Variants in KIF3B observed in about 807,000 individuals in gnomAD.
The protein encoded by KIF3B is kinesin-like protein KIF3B.
In KIF3B, 38 loss-of-function variants were observed where a neutral mutation model predicts 74.3. The ratio of observed to expected loss-of-function variants is 0.51; its 90% confidence interval spans 0.39 to 0.67. The LOEUF (loss-of-function observed/expected upper bound fraction) is 0.67, where lower values mean the gene tolerates loss of function less well. Among genes scored for constraint, KIF3B ranks in the 30% least tolerant of loss-of-function variants. KIF3B has a pLI of 0.00. For synonymous variants in KIF3B, 326 were observed against 342.5 expected, an observed-to-expected ratio of 0.95 and a Z score of 0.53; for missense variants, 649 against 932.0, an observed-to-expected ratio of 0.70 and a Z score of 3.95.
chr20:32,281,611 G>A (rs748566422), intron 1 of KIF3B, among the ~76,000 whole-genome samples: 3 of 152,162 alleles, frequency 2.0e-5, no homozygotes, highest in Non-Finnish European at 4.4e-5. Flanking sequence ...CAGCTATTCA[G>A]GAGGCTGAGG....
At chr20:32,307,492 G>A (rs2047777441) in intron 1 of KIF3B, among the ~76,000 whole-genome samples, 1 of 152,112 alleles carries the variant, frequency 6.6e-6, no homozygotes, top group South Asian at 2.1e-4. Flanking sequence ...ATATCCTTAT[G>A]TATATGTCAT....
chr20:32,318,835 A>G (rs2047841780), intron 5 of KIF3B, among the ~76,000 whole-genome samples: 1 of 152,198 alleles, frequency 6.6e-6, no homozygotes, highest in African/African-American at 2.4e-5. Context: ...TCTCTGGGAT[A>G]CATTCATAGG....
intron 2 of KIF3B, among the ~76,000 whole-genome samples, chr20:32,314,490 A>G (rs2047817321): frequency 6.6e-6 from 1 of 152,074 alleles, no homozygotes; most frequent in Non-Finnish European, 1.5e-5. Flanking sequence ...CAGTGAGCCA[A>G]GATCATGCCA....
chr20:32,304,712 C>A (rs187052932), intron 1 of KIF3B, among the ~76,000 whole-genome samples: 9 of 151,964 alleles, frequency 5.9e-5, no homozygotes, highest in African/African-American at 2.2e-4. Flanking sequence ...TGTATTAATA[C>A]ATATTTGCTT....
chr20:32,300,415 C>T (rs2047737803), intron 1 of KIF3B, among the ~76,000 whole-genome samples: 1 of 152,048 alleles, frequency 6.6e-6, no homozygotes, highest in Admixed American at 6.6e-5. Flanking sequence ...GTAGCTGGGA[C>T]TGCAGTCGTC....
At chr20:32,289,197 G>GTTTTT (rs36069389) in intron 1 of KIF3B, among the ~76,000 whole-genome samples, 3 of 126,886 alleles carry the variant, frequency 2.4e-5, no homozygotes, top group Admixed American at 8.4e-5. Flanking sequence ...TACTGGTCTG[G>GTTTTT]TTTTTTTTTT....
At chr20:32,318,284 A>C (rs2047838499) in intron 5 of KIF3B, among the ~76,000 whole-genome samples, 1 of 148,204 alleles carries the variant, frequency 6.7e-6, no homozygotes, top group African/African-American at 2.5e-5. Context: ...CCTGGGTGAC[A>C]CAGCGAGATT....
rs538720857 is a variant in KIF3B, at chr20:32,306,453, T to C, written c.-65-3260T>C. Among the ~76,000 whole-genome samples, 11 of 152,208 alleles carry C rather than the reference T, an allele frequency of 7.2e-5. No homozygotes were observed. In the South Asian group the frequency reaches 2.3e-3, roughly 32 times the overall value. ...TTTTTATGTAATGCATTATACCACA[T>C]CCTTATTTATTTGCACACATTTTGC... On this transcript the variant is annotated intron_variant, in intron 1 of 8. Coordinates refer to ENST00000375712, the MANE Select transcript of KIF3B (RefSeq NM_004798.4).
chr20:32,322,684 A>T lies in KIF3B; in HGVS notation c.1749-4087A>T, dbSNP rs866569604. 6.5e-3 allele frequency among the ~76,000 whole-genome samples: 287 copies of T among 43,842 alleles called. 54 individuals carry two copies. The African/African-American group carries it at 0.07, about 11-fold the overall frequency. The allele number at this position is 43,842 out of a possible 152,430, so 28.8% of individuals were successfully genotyped here. On this transcript the variant is annotated intron_variant, in intron 5 of 8. Coordinates refer to ENST00000375712, the MANE Select transcript of KIF3B (RefSeq NM_004798.4). ...TTTATATATATATTTATATATTTAT[A>T]TATATTTATATATATTTATATATTT... is the stretch of plus-strand genomic sequence containing the variant.
In KIF3B at chr20:32,316,660, A is replaced by G; in HGVS notation, c.1629+11A>G. The G allele has an allele frequency of 6.2e-7, 1 of 1,614,116 alleles. No homozygotes were observed. Among genetic ancestry groups the G allele is most frequent in the Non-Finnish European group, 8.5e-7 (1 of 1,180,012 alleles). ...AAAAAACTCAAAAAGGTATGAAAGG[A>G]ATGAGGCCAGATGGAGTTGCCTTGA... On this transcript the variant is annotated intron_variant, in intron 4 of 8. Transcript: ENST00000375712.
At chr20:32,329,993 G>A (rs554280667) in intron 7 of KIF3B, 148 bp from the exon 8 acceptor site, 12 of 612,722 alleles carry the variant, frequency 2.0e-5, no homozygotes, top group Admixed American at 1.8e-4. Context: ...GTTGTAAAAC[G>A]GCATCACTTC....
At chr20:32,321,195 G>A (rs1033727276) in intron 5 of KIF3B, among the ~76,000 whole-genome samples, 10 of 152,170 alleles carry the variant, frequency 6.6e-5, no homozygotes, top group African/African-American at 2.4e-4. Flanking sequence ...TTGGGAGGCC[G>A]AGGTGGGTGG....
intron 1 of KIF3B, among the ~76,000 whole-genome samples, chr20:32,283,238 G>C (rs2047652205): frequency 6.6e-6 from 1 of 152,142 alleles, no homozygotes; most frequent in Admixed American, 6.5e-5. Context: ...GGGTGTGGTG[G>C]CTTATGCCTG....
At chr20:32,298,351 G>A (rs1032192356) in intron 1 of KIF3B, among the ~76,000 whole-genome samples, 13 of 150,282 alleles carry the variant, frequency 8.7e-5, no homozygotes, top group African/African-American at 1.2e-4. Flanking sequence ...GCGGAAAATC[G>A]CCAGGGAGGC....
chr20:32,301,276 C>T (rs936789452), intron 1 of KIF3B, among the ~76,000 whole-genome samples: 5 of 151,160 alleles, frequency 3.3e-5, no homozygotes, highest in African/African-American at 1.2e-4. Context: ...TTAGTAGAGA[C>T]GAGGTCTCAA....
rs1600443804 is a variant in KIF3B at position 32,333,835 on chromosome 20, A to C, written c.*2516A>C. 6.6e-6 allele frequency: 1 copy of C among 152,666 alleles called. No homozygotes were observed. The highest frequency in any genetic ancestry group is 1.9e-4 in the East Asian group (1 of 5,182). The allele number at this position is 152,666 out of a possible 1,614,324, so 9.5% of individuals were successfully genotyped here. A position where few individuals can be genotyped will look rare whatever the true frequency, so the allele number is the denominator to read the frequency against. On this transcript the variant is annotated 3_prime_UTR_variant, in exon 9 of 9. Coordinates refer to ENST00000375712, the MANE Select transcript of KIF3B (RefSeq NM_004798.4). ...GTTCATGTGGTGGTCTGTGGAAAGAAAAGAAGACTCATTTGGAAATGAAGC... is the reference window on the plus strand; with the variant it reads ...GTTCATGTGGTGGTCTGTGGAAAGACAAGAAGACTCATTTGGAAATGAAGC...
At chr20:32,283,562 C>T (rs552730766) in intron 1 of KIF3B, among the ~76,000 whole-genome samples, 39 of 150,536 alleles carry the variant, frequency 2.6e-4, no homozygotes, top group African/African-American at 8.8e-4. Context: ...GTAATCTCAG[C>T]ACTTTGGGAG....
At chr20:32,300,493 A>G (rs1298165226) in intron 1 of KIF3B, among the ~76,000 whole-genome samples, 2 of 151,944 alleles carry the variant, frequency 1.3e-5, no homozygotes, top group Non-Finnish European at 2.9e-5. Flanking sequence ...GTTAGCCACA[A>G]TAGTCTCCAT....
At chr20:32,321,542 T>C (rs2047860147) in intron 5 of KIF3B, among the ~76,000 whole-genome samples, 1 of 152,186 alleles carries the variant, frequency 6.6e-6, no homozygotes, top group African/African-American at 2.4e-5. Flanking sequence ...AGTACCATTC[T>C]GTCTTAATTA....
Sources: gnomAD v4.1 joint callset for allele counts (sites outside exome capture counted in the v4.1 genomes callset) on GRCh38, gnomAD v4.1.1 for gene constraint, MANE v1.5 for transcripts, NCBI Gene and HGNC (gene_info 2026-07-23, HGNC 2026-07-21) for gene names.